The following FRMPD4 variants were observed in gnomAD, a reference collection of about 807,000 sequenced individuals.
FRMPD4 encodes the protein FERM and PDZ domain-containing protein 4.
Under a neutral mutation model 94.1 loss-of-function variants are expected in FRMPD4, and 22 were observed. The ratio of observed to expected loss-of-function variants is 0.23; its 90% CI spans 0.17 to 0.33. FRMPD4 has a LOEUF of 0.33. Ranked by LOEUF, FRMPD4 falls within the 10% of genes least tolerant of loss-of-function variation. The probability of loss-of-function intolerance (pLI) is 1.00; values close to 1 mark genes in which losing one functional copy is unlikely to be tolerated. For synonymous variants in FRMPD4, 631 were observed against 548.6 expected (o/e 1.15, Z -2.10); for missense variants, 1,111 against 1,339.9 (o/e 0.83, Z 2.67).
rs780499714 is a variant in FRMPD4, at chrX:12,232,325, A to G, written c.41+93313A>G. On this transcript the variant is annotated intron_variant, in intron 1 of 16. Coordinates refer to ENST00000675598, the MANE Select transcript of FRMPD4 (RefSeq NM_001368397.1). ...CACAGGGCTGGGGAGGCCTCAGGAA[A>G]CTTACAATCATAGCAGAAGGGGAAG... is the stretch of plus-strand genomic sequence containing the variant. 2.7e-5 allele frequency among the ~76,000 whole-genome samples: 3 copies of G among 111,888 alleles called. No homozygotes were observed. The East Asian group carries it at 8.4e-4, about 31-fold the overall frequency.
chrX:12,400,095 G>A (rs935013752), intron 1 of FRMPD4, among the ~76,000 whole-genome samples: 10 of 111,947 alleles, frequency 8.9e-5, no homozygotes, highest in Non-Finnish European at 1.9e-4. Context: ...ACAGGGGAAA[G>A]TGACGCAGGC....
intron 1 of FRMPD4, among the ~76,000 whole-genome samples, chrX:12,456,029 G>C (rs750328582): frequency 1.5e-4 from 17 of 111,371 alleles, no homozygotes; most frequent in Non-Finnish European, 3.2e-4. Flanking sequence ...CCTAACCTCA[G>C]GTGATCCTCC....
intron 2 of FRMPD4, among the ~76,000 whole-genome samples, chrX:12,569,697 T>TA (rs1267404830): frequency 8.9e-6 from 1 of 112,604 alleles, no homozygotes; most frequent in Non-Finnish European, 1.9e-5. Flanking sequence ...AAATTTAATT[T>TA]AAAAACAAAA....
intron 3 of FRMPD4, among the ~76,000 whole-genome samples, chrX:11,961,561 C>T (rs929681541): frequency 1.8e-5 from 2 of 112,187 alleles, no homozygotes; most frequent in African/African-American, 6.5e-5. Context: ...ACAGAGCTGA[C>T]ACCTGGTCCC....
At chrX:12,052,540 G>A (rs5935228) in intron 3 of FRMPD4, among the ~76,000 whole-genome samples, 1,414 of 112,108 alleles carry the variant, frequency 0.013, 7 homozygotes, top group South Asian at 0.021. Context: ...GTTGAAAACC[G>A]AAAATACATA....
At chrX:12,050,932 A>G (rs2054813606) in intron 3 of FRMPD4, among the ~76,000 whole-genome samples, 1 of 111,804 alleles carries the variant, frequency 8.9e-6, no homozygotes, top group African/African-American at 3.2e-5. Context: ...CATTAAGAGG[A>G]GAATGGATAG....
At chrX:11,941,031 G>T (rs1345749727) in intron 3 of FRMPD4, among the ~76,000 whole-genome samples, 2 of 24,567 alleles carry the variant, frequency 8.1e-5, no homozygotes, top group African/African-American at 2.4e-4. Context: ...CGCAATATTC[G>T]GGTGGGAGTG....
chrX:12,205,849 G>A (rs539996886), intron 1 of FRMPD4, among the ~76,000 whole-genome samples: 4 of 112,016 alleles, frequency 3.6e-5, no homozygotes, highest in East Asian at 2.8e-4. Context: ...GGTGTGCGCC[G>A]GCACCATGTG....
At chrX:12,702,852 C>T (rs1850397921) in intron 10 of FRMPD4, among the ~76,000 whole-genome samples, 1 of 112,201 alleles carries the variant, frequency 8.9e-6, no homozygotes, top group Non-Finnish European at 1.9e-5. Context: ...TCTCTCTCTC[C>T]CCACACATAA....
intron 1 of FRMPD4, among the ~76,000 whole-genome samples, chrX:11,838,872 A>C (rs1010308649): frequency 9.9e-5 from 11 of 111,598 alleles, no homozygotes; most frequent in Non-Finnish European, 2.1e-4. Flanking sequence ...CATTTTGTTT[A>C]TGGAATCACC....
intron 1 of FRMPD4, among the ~76,000 whole-genome samples, chrX:12,294,402 A>C (rs2054737234): frequency 1.8e-5 from 2 of 110,233 alleles, no homozygotes; most frequent in South Asian, 8.0e-4. Flanking sequence ...TCCTCAAAGA[A>C]AGTGTTTGAA....
intron 3 of FRMPD4, among the ~76,000 whole-genome samples, chrX:12,093,557 T>C (rs1458949225): frequency 4.0e-5 from 4 of 100,196 alleles, no homozygotes; most frequent in Non-Finnish European, 2.0e-5. Flanking sequence ...ATGCTAGGAG[T>C]CCAAAGTCTG....
At chrX:11,958,879 A>G (rs778655837) in intron 3 of FRMPD4, among the ~76,000 whole-genome samples, 1 of 112,238 alleles carries the variant, frequency 8.9e-6, no homozygotes, top group African/African-American at 3.2e-5. Flanking sequence ...ATTTTGTGAT[A>G]GTATATGAAC....
chrX:12,169,560 A>G (rs12689819), intron 1 of FRMPD4, among the ~76,000 whole-genome samples: 8,466 of 111,404 alleles, frequency 0.076, 913 homozygotes, highest in East Asian at 0.61. Flanking sequence ...ACACCCATCC[A>G]TTTGTGTATT....
intron 2 of FRMPD4, among the ~76,000 whole-genome samples, chrX:12,597,648 T>A (rs754013599): frequency 4.4e-5 from 5 of 112,579 alleles, no homozygotes; most frequent in African/African-American, 6.5e-5. Flanking sequence ...CCATTTAATG[T>A]TTAAGAACTC....
chrX:12,542,350 G>C (rs1192065194), intron 2 of FRMPD4, among the ~76,000 whole-genome samples: 4 of 112,134 alleles, frequency 3.6e-5, no homozygotes, highest in Non-Finnish European at 7.5e-5. Context: ...CATTATCTCA[G>C]CCCAAAATCT....
At chrX:12,452,038 A>G (rs928982227) in intron 1 of FRMPD4, among the ~76,000 whole-genome samples, 5 of 110,809 alleles carry the variant, frequency 4.5e-5, no homozygotes, top group African/African-American at 1.6e-4. Flanking sequence ...GTAGAATATT[A>G]TCTCCTTTGC....
chrX:12,216,273 T>C (rs2056806016), intron 1 of FRMPD4, among the ~76,000 whole-genome samples: 1 of 111,354 alleles, frequency 9.0e-6, no homozygotes, highest in Non-Finnish European at 1.9e-5. Context: ...ATCGCTTCAC[T>C]CCCTAGCTCT....
intron 1 of FRMPD4, among the ~76,000 whole-genome samples, chrX:12,236,302 TTG>T (rs2057069767): frequency 9.0e-6 from 1 of 111,486 alleles, no homozygotes; most frequent in Non-Finnish European, 1.9e-5. Context: ...TGGAAAAACT[TTG>T]AAAACCCTCA....
Sources: gnomAD v4.1 joint callset for allele counts (sites outside exome capture counted in the v4.1 genomes callset) on GRCh38, gnomAD v4.1.1 for gene constraint, MANE v1.5 for transcripts, NCBI Gene and HGNC (gene_info 2026-07-23, HGNC 2026-07-21) for gene names.